KBTBD2: variants seen among roughly 807,000 people sequenced by gnomAD.
KBTBD2 encodes the protein kelch repeat and BTB domain containing 2.
In KBTBD2, 17 loss-of-function variants were observed where a neutral mutation model predicts 57.1. The ratio of observed to expected loss-of-function variants is 0.30; its 90% confidence interval spans 0.20 to 0.45. The LOEUF is 0.45. Among genes scored for constraint, KBTBD2 ranks in the 20% least tolerant of loss-of-function variants. The pLI, the probability that KBTBD2 is intolerant of heterozygous loss-of-function variation, is 1.00. For missense variants in KBTBD2, 515 were observed against 750.6 expected, an observed-to-expected ratio of 0.69 and a Z score of 3.67; for synonymous variants, 267 against 262.7, an observed-to-expected ratio of 1.02 and a Z score of -0.16.
In KBTBD2 at chr7:32,869,223, A is replaced by C. The variant is rs1232442819; in HGVS notation, c.*122T>G. 3.0e-6 allele frequency: 2 copies of C among 677,074 alleles called. No homozygotes were observed. The highest frequency in any genetic ancestry group is 4.9e-6 in the Non-Finnish European group (2 of 407,702). The allele number at this position is 677,074 out of a possible 1,614,324, so 41.9% of individuals were successfully genotyped here. On this transcript the variant is annotated 3_prime_UTR_variant, in exon 4 of 4. Coordinates refer to ENST00000304056, the MANE Select transcript of KBTBD2 (RefSeq NM_015483.3). ...GATGCAAATATTAAGTAGGGCATAAAAATAAAATTTATCAAAGATAGAATT... is the reference window on the plus strand; with the variant it reads ...GATGCAAATATTAAGTAGGGCATAACAATAAAATTTATCAAAGATAGAATT...
intron 3 of KBTBD2, chr7:32,874,689 G>C (rs1182194813): frequency 1.0e-5 from 2 of 200,212 alleles, no homozygotes; most frequent in South Asian, 1.2e-4. Context: ...GTATGTAACT[G>C]AGTAAAAAAA....
intron 1 of KBTBD2, among the ~76,000 whole-genome samples, chr7:32,889,630 TCTAATA>T (rs1784679726): frequency 6.6e-6 from 1 of 152,198 alleles, no homozygotes; most frequent in South Asian, 2.1e-4. Flanking sequence ...ACCTGTCATT[TCTAATA>T]CTGAGTTATT....
intron 1 of KBTBD2, among the ~76,000 whole-genome samples, chr7:32,880,315 T>A (rs3750082): frequency 0.41 from 62,053 of 151,682 alleles, 14,045 homozygotes; most frequent in African/African-American, 0.62. Context: ...TAAGAAAAAA[T>A]ATTTTTTTAA....
chr7:32,887,606 A>C (rs1562538661), intron 1 of KBTBD2, among the ~76,000 whole-genome samples: 3 of 152,244 alleles, frequency 2.0e-5, no homozygotes, highest in Admixed American at 2.0e-4. Context: ...ATTCACCTGT[A>C]GGAAGCACAT....
rs1784096084 is a variant in KBTBD2, at chr7:32,869,014, T to G, written c.*331A>C. 5.5e-6 allele frequency: 1 copy of G among 180,528 alleles called. No individual in the cohort carries two copies. Among genetic ancestry groups the G allele is most frequent in the African/African-American group, 2.4e-5 (1 of 42,146 alleles). 11.2% of individuals were successfully genotyped at this position (180,528 alleles called of 1,614,324 possible). On this transcript the variant is annotated 3_prime_UTR_variant, in exon 4 of 4. Transcript: ENST00000304056. Reference sequence around the variant, plus strand: ...CAGCACAATTTGTGATACATCACACTAGGAACAGGAAACTACTTTTATAAA... The same window carrying G: ...CAGCACAATTTGTGATACATCACACGAGGAACAGGAAACTACTTTTATAAA...
intron 1 of KBTBD2, among the ~76,000 whole-genome samples, chr7:32,883,375 A>G (rs1045474197): frequency 6.6e-6 from 1 of 152,244 alleles, no homozygotes; most frequent in Admixed American, 6.5e-5. Flanking sequence ...CAACACAGCA[A>G]GACTCTGTCT....
intron 1 of KBTBD2, among the ~76,000 whole-genome samples, chr7:32,884,997 T>TACACACAC (rs1784537992): frequency 1.2e-5 from 1 of 83,726 alleles, no homozygotes; most frequent in African/African-American, 7.9e-5. Context: ...TATACACATA[T>TACACACAC]ATGTGTATAT....
intron 3 of KBTBD2, among the ~76,000 whole-genome samples, chr7:32,872,366 C>T (rs367940151): frequency 2.0e-5 from 3 of 152,092 alleles, no homozygotes; most frequent in African/African-American, 7.2e-5. Context: ...AGAACACTAA[C>T]GATAAAGTTA....
At chr7:32,877,527 T>G (rs768771476) in intron 2 of KBTBD2, among the ~76,000 whole-genome samples, 1 of 152,182 alleles carries the variant, frequency 6.6e-6, no homozygotes, top group Non-Finnish European at 1.5e-5. Context: ...GAAGAATGTA[T>G]TTAGTTCAGA....
At chr7:32,877,310 C>G (rs185385720) in intron 2 of KBTBD2, among the ~76,000 whole-genome samples, 32 of 152,328 alleles carry the variant, frequency 2.1e-4, no homozygotes, top group African/African-American at 6.7e-4. Flanking sequence ...TGCCAGCACT[C>G]CCGACCAGAA....
At chr7:32,884,999 T>TAC (rs1784538202) in intron 1 of KBTBD2, among the ~76,000 whole-genome samples, 1 of 62,552 alleles carries the variant, frequency 1.6e-5, no homozygotes, top group African/African-American at 1.0e-4. Context: ...TACACATATA[T>TAC]GTGTATATAT....
intron 1 of KBTBD2, among the ~76,000 whole-genome samples, chr7:32,885,940 G>A (rs374791307): frequency 9.3e-5 from 13 of 139,760 alleles, no homozygotes; most frequent in African/African-American, 3.0e-4. Flanking sequence ...ACAGAGTCTC[G>A]CTCTGTCGCC....
rs76515979 is a variant in KBTBD2 at position 32,869,519 on chromosome 7, A to G, written c.1698T>C (p.His566=). 6.6e-5 allele frequency: 106 copies of G among 1,614,090 alleles called. No individual in the cohort carries two copies. In the East Asian group the frequency reaches 1.8e-3, roughly 27 times the overall value. The change falls in exon 4 of 4, where the codon CAT becomes CAC. Residue 566 remains histidine (H), a synonymous_variant. Transcript: ENST00000304056. ...AGTCCCACAGTACACGTTCAGATAT[A>G]TGCTGCCGCAGAGACCACCGGTCAA... ...LELDRWSLRQ[H]ISERVLWDLG...
chr7:32,884,419 G>A (rs113764806), intron 1 of KBTBD2, among the ~76,000 whole-genome samples: 3 of 144,962 alleles, frequency 2.1e-5, no homozygotes, highest in African/African-American at 7.7e-5. Flanking sequence ...GCTGGGCACA[G>A]TGGCTCATAC....
intron 1 of KBTBD2, among the ~76,000 whole-genome samples, chr7:32,882,395 T>C (rs951165967): frequency 6.6e-5 from 10 of 152,174 alleles, no homozygotes; most frequent in Admixed American, 6.5e-4. Flanking sequence ...CATATAATAA[T>C]ATGATTTTCT....
chr7:32,884,964 G>A (rs927998255), intron 1 of KBTBD2, among the ~76,000 whole-genome samples: 3 of 130,656 alleles, frequency 2.3e-5, no homozygotes. Flanking sequence ...ATATATATGT[G>A]TGTATGTGTG....
Position 32,879,455 on chromosome 7 carries a change from T to C in KBTBD2, c.150A>G (p.Ala50=). The C allele has an allele frequency of 2.5e-6, 4 of 1,611,488 alleles. No homozygotes were observed. Among genetic ancestry groups the C allele is most frequent in the Non-Finnish European group, 3.4e-6 (4 of 1,177,990 alleles). The change falls in exon 2 of 4, where the codon GCA becomes GCG. Residue 50 remains alanine, a synonymous_variant. Coordinates refer to ENST00000304056, the MANE Select transcript of KBTBD2 (RefSeq NM_015483.3). ...CTTACCTGAAATAAGAGCTACATGT[T>C]GCAAGAACCATCTTATGACAAGGGA... ...TEFPCHKMVL[A]TCSSYFRAMF...
At chr7:32,888,831 A>G (rs577700312) in intron 1 of KBTBD2, among the ~76,000 whole-genome samples, 9 of 152,298 alleles carry the variant, frequency 5.9e-5, no homozygotes, top group African/African-American at 1.7e-4. Context: ...CACCCTAAGT[A>G]AATTCAGGTC....
At chr7:32,880,397 G>A (rs1440495312) in intron 1 of KBTBD2, among the ~76,000 whole-genome samples, 1 of 152,000 alleles carries the variant, frequency 6.6e-6, no homozygotes, top group African/African-American at 2.4e-5. Context: ...CGTTCACAAA[G>A]TCTTCATATT....
Sources: gnomAD v4.1 joint callset for allele counts (sites outside exome capture counted in the v4.1 genomes callset) on GRCh38, gnomAD v4.1.1 for gene constraint, MANE v1.5 for transcripts, NCBI Gene and HGNC (gene_info 2026-07-23, HGNC 2026-07-21) for gene names.